Variants in SIK3 observed in about 807,000 individuals in gnomAD.
SIK3 encodes serine/threonine-protein kinase SIK3.
A neutral mutation model predicts 144.2 loss-of-function variants in SIK3; 28 were observed. The observed-to-expected ratio is 0.19, with a 90% confidence interval of 0.14 to 0.27. The LOEUF is 0.27. Among genes scored for constraint, SIK3 ranks in the 10% least tolerant of loss-of-function variants. The pLI is 1.00. For synonymous variants in SIK3, 686 were observed against 676.3 expected (o/e 1.01, Z -0.22); for missense variants, 1,319 against 1,776.0 (o/e 0.74, Z 4.62).
At chr11:116,997,788 A>T (rs1950717899) in intron 1 of SIK3, among the ~76,000 whole-genome samples, 1 of 152,218 alleles carries the variant, frequency 6.6e-6, no homozygotes, top group Non-Finnish European at 1.5e-5. Flanking sequence ...AACAGATCTC[A>T]TACGACCAGG....
intron 4 of SIK3, among the ~76,000 whole-genome samples, chr11:116,899,207 A>G (rs1331681201): frequency 6.6e-6 from 1 of 151,986 alleles, no homozygotes; most frequent in Non-Finnish European, 1.5e-5. Context: ...CAGTTTTCCC[A>G]GCACCATTTA....
intron 1 of SIK3, among the ~76,000 whole-genome samples, chr11:116,985,384 A>C (rs1220345174): frequency 6.6e-6 from 1 of 152,240 alleles, no homozygotes; most frequent in Non-Finnish European, 1.5e-5. Context: ...TCTACAGCAC[A>C]GTTATGAGGT....
At chr11:117,044,160 T>C (rs1164837035) in intron 1 of SIK3, among the ~76,000 whole-genome samples, 1 of 152,220 alleles carries the variant, frequency 6.6e-6, no homozygotes, top group African/African-American at 2.4e-5. Flanking sequence ...ACATAATAAA[T>C]ATTAAAATGC....
chr11:116,952,995 T>G (rs555173739), intron 3 of SIK3, among the ~76,000 whole-genome samples: 1 of 152,210 alleles, frequency 6.6e-6, no homozygotes, highest in South Asian at 2.1e-4. Context: ...CAATTAAATA[T>G]AAAATTAAGA....
intron 1 of SIK3, among the ~76,000 whole-genome samples, chr11:116,981,288 C>A (rs1950132550): frequency 6.6e-6 from 1 of 152,216 alleles, no homozygotes; most frequent in Non-Finnish European, 1.5e-5. Context: ...CAAGTCAGTA[C>A]TGACCATCAG....
chr11:116,857,711 T>C, intron 21 of SIK3, 99 bp downstream of exon 21: 1 of 1,471,246 alleles, frequency 6.8e-7, no homozygotes, highest in Non-Finnish European at 9.0e-7. Flanking sequence ...ATTCTTTTTT[T>C]CTTAGGAACA....
chr11:116,959,405 T>C (rs756700745), intron 1 of SIK3, among the ~76,000 whole-genome samples: 31 of 152,234 alleles, frequency 2.0e-4, no homozygotes, highest in Non-Finnish European at 2.8e-4. Flanking sequence ...TTTCTGTGCA[T>C]GCCATGATGT....
intron 1 of SIK3, among the ~76,000 whole-genome samples, chr11:117,013,907 GGGGGGAGGGT>G (rs1951389540): frequency 2.2e-5 from 1 of 44,836 alleles, no homozygotes; most frequent in Middle Eastern, 0.011. Flanking sequence ...TGAGGGGGGG[GGGGGGAGGGT>G]GTGTGTGTGT....
Position 116,858,790 on chromosome 11 carries a change from T to G in SIK3, c.2766-91A>C, listed in dbSNP as rs1943142267. The G allele has an allele frequency of 6.7e-7, 1 of 1,488,904 alleles. No individual in the cohort carries two copies. The highest frequency in any genetic ancestry group is 1.4e-5 in the African/African-American group (1 of 71,150). The allele number at this position is 1,488,904 out of a possible 1,614,324, so 92.2% of individuals were successfully genotyped here. ...CTCCTCCTCAGTAGGGAGAACCCACTGGTACAGAGAACTGTGGTGTGACAG... is the reference window on the plus strand; with the variant it reads ...CTCCTCCTCAGTAGGGAGAACCCACGGGTACAGAGAACTGTGGTGTGACAG... On this transcript the variant is annotated intron_variant, in intron 20 of 24. Coordinates refer to ENST00000445177, the MANE Select transcript of SIK3 (RefSeq NM_001366686.3). The surrounding 1 kb of genome is among the most constrained non-coding windows in gnomAD (Gnocchi z 5.4).
rs1485971413 is a variant in SIK3 at position 117,013,907 on chromosome 11, G to GTGTGT, written c.274-56844_274-56843insACACA. 8.9e-5 allele frequency among the ~76,000 whole-genome samples: 4 copies of GTGTGT among 44,904 alleles called. 1 individual carries two copies. Among genetic ancestry groups the GTGTGT allele is most frequent in the African/African-American group, 2.1e-4 (3 of 14,504 alleles). The allele number at this position is 44,904 out of a possible 152,430, so 29.5% of individuals were successfully genotyped here. ...TAAGTCTCCAGATTCTGAGGGGGGG[G>GTGTGT]GGGGGAGGGTGTGTGTGTGTGTGTG... is the stretch of plus-strand genomic sequence containing the variant. On this transcript the variant is annotated intron_variant, in intron 1 of 24. Transcript: ENST00000445177.
intron 1 of SIK3, among the ~76,000 whole-genome samples, chr11:116,987,727 G>T (rs1401667898): frequency 1.3e-5 from 2 of 152,116 alleles, no homozygotes; most frequent in Non-Finnish European, 2.9e-5. Flanking sequence ...AAAACACAGG[G>T]GGAGGAGGTA....
At chr11:117,040,815 T>G (rs775890985) in intron 1 of SIK3, among the ~76,000 whole-genome samples, 12 of 152,106 alleles carry the variant, frequency 7.9e-5, no homozygotes, top group Non-Finnish European at 1.6e-4. Flanking sequence ...TATCATCATA[T>G]TTTCTTTTCT....
At chr11:116,928,198 GTTCT>G (rs1257734178) in intron 3 of SIK3, among the ~76,000 whole-genome samples, 4 of 152,146 alleles carry the variant, frequency 2.6e-5, no homozygotes, top group African/African-American at 9.7e-5. Flanking sequence ...GGATTAGCAG[GTTCT>G]TTAAGAACTT....
chr11:116,845,873 C>A (rs928819182), intron 24 of SIK3, among the ~76,000 whole-genome samples: 1 of 152,222 alleles, frequency 6.6e-6, no homozygotes, highest in African/African-American at 2.4e-5. Context: ...TCCAGCCAAA[C>A]AAGCCAATTT....
intron 20 of SIK3, among the ~76,000 whole-genome samples, chr11:116,859,039 T>C (rs557446389): frequency 2.5e-4 from 38 of 152,328 alleles, no homozygotes; most frequent in Non-Finnish European, 5.1e-4. Context: ...AATAATAAGG[T>C]AGCTTTCCCA....
At chr11:116,921,604 A>G (rs1208301500) in intron 4 of SIK3, among the ~76,000 whole-genome samples, 4 of 152,304 alleles carry the variant, frequency 2.6e-5, no homozygotes, top group African/African-American at 9.6e-5. Context: ...CCTGGCCTCA[A>G]GTGATCTTCC....
At chr11:116,903,485 G>A (rs17120139) in intron 4 of SIK3, among the ~76,000 whole-genome samples, 21,388 of 152,110 alleles carry the variant, frequency 0.14, 2,199 homozygotes, top group East Asian at 0.52. Context: ...CAAGTTGGAG[G>A]AAAAAAATTC....
rs1028085271 is a variant in SIK3, at chr11:116,867,168, G to A, written c.1952+778C>T. Among the ~76,000 whole-genome samples, 1 of 152,314 alleles carries A rather than the reference G, an allele frequency of 6.6e-6. No homozygotes were observed. Among genetic ancestry groups the A allele is most frequent in the Non-Finnish European group, 1.5e-5 (1 of 68,024 alleles). On this transcript the variant is annotated intron_variant, in intron 15 of 24. Coordinates refer to ENST00000445177, the MANE Select transcript of SIK3 (RefSeq NM_001366686.3). The surrounding 1 kb of genome is among the most constrained non-coding windows in gnomAD (Gnocchi z 4.1). ...AAAGACAGAAATAAAATACGCTCTA[G>A]TAACTGGTGGTGGCTTTGAACGTGT...
chr11:116,865,917 A>G (rs1943606724), intron 15 of SIK3, among the ~76,000 whole-genome samples: 1 of 152,150 alleles, frequency 6.6e-6, no homozygotes, highest in South Asian at 2.1e-4. Context: ...CAAATGCCCC[A>G]TCTTATGCAA....
Sources: gnomAD v4.1 joint callset for allele counts (sites outside exome capture counted in the v4.1 genomes callset) on GRCh38, gnomAD v4.1.1 for gene constraint, Gnocchi (gnomAD v3.1) non-coding constraint, MANE v1.5 for transcripts, NCBI Gene and HGNC (gene_info 2026-07-23, HGNC 2026-07-21) for gene names.